Variants in PMFBP1 observed in about 807,000 individuals in gnomAD.
PMFBP1 encodes polyamine-modulated factor 1-binding protein 1.
In PMFBP1, 131 loss-of-function variants were observed where a neutral mutation model predicts 137.8. The ratio of observed to expected loss-of-function variants is 0.95; its 90% CI spans 0.82 to 1.10. The LOEUF (loss-of-function observed/expected upper bound fraction) is 1.10, where lower values mean the gene tolerates loss of function less well. PMFBP1 is among the 50% of genes least tolerant of loss of function. The pLI, the probability that PMFBP1 is intolerant of heterozygous loss-of-function variation, is 0.00. For synonymous variants in PMFBP1, 490 were observed against 450.4 expected (o/e 1.09, Z -1.11); for missense variants, 1,199 against 1,175.4 (o/e 1.02, Z -0.29).
chr16:72,119,539 GCT>G lies in PMFBP1; in HGVS notation c.3008-187_3008-186del, dbSNP rs916452662. On this transcript the variant is annotated intron_variant, in intron 20 of 20. Transcript: ENST00000237353. The stretch of plus-strand genomic sequence containing the variant: ...CCCAGGCTGGGTAGGTGGCTGGGGT[GCT>G]CTTACGGGGTTTCCAGACGTAGAAG... 2.7e-6 allele frequency: 4 copies of G among 1,468,364 alleles called. No individual in the cohort carries two copies. The Admixed American group carries it at 1.1e-4, about 39-fold the overall frequency. The allele number at this position is 1,468,364 out of a possible 1,614,324, so 91.0% of individuals were successfully genotyped here.
chr16:72,154,264 G>A lies in PMFBP1; in HGVS notation c.361C>T (p.Gln121Ter), dbSNP rs142629519. ...TGCAGAAGAACCAGGTCGGAAGTCTGCTTCTCTAGGATGGACTGATACTGG... is the reference window on the plus strand; with the variant it reads ...TGCAGAAGAACCAGGTCGGAAGTCTACTTCTCTAGGATGGACTGATACTGG... ...LRQYQSILEK[Q>*]TSDLVLLHHH... The change falls in exon 4 of 21, where the codon CAG (glutamine) becomes TAG (stop). Residue 121 changes from glutamine (Q) to a stop codon, truncating the protein, a stop_gained. Transcript: ENST00000237353. LOFTEE classifies it high-confidence loss of function. 2 of 1,614,004 alleles carry A rather than the reference G, an allele frequency of 1.2e-6. No homozygotes were observed. Among genetic ancestry groups the A allele is most frequent in the East Asian group, 2.2e-5 (1 of 44,892 alleles).
At chr16:72,189,972 C>T in the PMFBP1 span, among the ~76,000 whole-genome samples, 1 of 152,106 alleles carries the variant, frequency 6.6e-6, no homozygotes, top group Admixed American at 6.5e-5. Flanking sequence ...TCATGAGTCA[C>T]GGGTCTTGGC....
chr16:72,171,114 G>A, intron 2 of PMFBP1, 83 bp downstream of exon 2: 1 of 1,469,908 alleles, frequency 6.8e-7, no homozygotes, highest in Non-Finnish European at 9.4e-7. Context: ...GCTTATTACT[G>A]GAATTTTGAA....
chr16:72,223,259 T>C, the PMFBP1 span, among the ~76,000 whole-genome samples: 1 of 152,244 alleles, frequency 6.6e-6, no homozygotes, highest in African/African-American at 2.4e-5. Flanking sequence ...GAGACAGTTG[T>C]GGATCAGTAT....
At position 72,150,629 on chromosome 16, in the gene PMFBP1, T is replaced by C. The variant is rs773422216; in HGVS notation, c.615A>G (p.Glu205=). The change falls in exon 5 of 21, where the codon GAA becomes GAG. Residue 205 remains glutamate (E), a synonymous_variant. Transcript: ENST00000237353. ...LECQVKMLQG[E]LGGIMGQEPE... ...CTACCTGACCCATGATCCCGCCGAG[T>C]TCCCCCTGCAACATCTTCACTTGGC... The C allele has an allele frequency of 1.9e-6, 3 of 1,613,224 alleles. No individual in the cohort carries two copies. Among genetic ancestry groups the C allele is most frequent in the Admixed American group, 1.7e-5 (1 of 60,014 alleles).
At chr16:72,175,287 A>T (rs2043254354), upstream of PMFBP1, among the ~76,000 whole-genome samples, 1 of 152,050 alleles carries the variant, frequency 6.6e-6, no homozygotes. Flanking sequence ...CTCTTTCCTA[A>T]CTCAAACAGT....
upstream of PMFBP1, among the ~76,000 whole-genome samples, chr16:72,173,644 T>G (rs536969173): frequency 6.6e-6 from 1 of 152,248 alleles, no homozygotes; most frequent in Non-Finnish European, 1.5e-5. Context: ...GGGCTTATGA[T>G]GAAAAAACTG....
At chr16:72,244,733 G>C in the PMFBP1 span, among the ~76,000 whole-genome samples, 1 of 152,154 alleles carries the variant, frequency 6.6e-6, no homozygotes, top group South Asian at 2.1e-4. Context: ...TGTAAATGCT[G>C]GGAGAAATAT....
chr16:72,207,462 G>A, the PMFBP1 span, among the ~76,000 whole-genome samples: 1 of 152,150 alleles, frequency 6.6e-6, no homozygotes, highest in Non-Finnish European at 1.5e-5. Flanking sequence ...AAGTTGCAAG[G>A]CTAATAGGTA....
chr16:72,119,289 C>G lies in PMFBP1; in HGVS notation c.*49G>C. On this transcript the variant is annotated 3_prime_UTR_variant, in exon 21 of 21. Coordinates refer to ENST00000237353, the MANE Select transcript of PMFBP1 (RefSeq NM_031293.3). The stretch of plus-strand genomic sequence containing the variant: ...AGAGGGAGGGCTGGGAACTCACTGT[C>G]CTCTGAAGAAACACCCGTGGAAATG... The G allele has an allele frequency of 6.3e-7, 1 of 1,586,500 alleles. No individual in the cohort carries two copies. The highest frequency in any genetic ancestry group is 1.7e-4 in the Middle Eastern group (1 of 6,008).
intron 5 of PMFBP1, among the ~76,000 whole-genome samples, chr16:72,141,782 A>G (rs1028929376): frequency 4.6e-5 from 7 of 152,056 alleles, no homozygotes; most frequent in Non-Finnish European, 1.0e-4. Context: ...AATTGTGTAC[A>G]TTAAATTCAT....
chr16:72,230,066 C>T, the PMFBP1 span, among the ~76,000 whole-genome samples: 1,326 of 152,286 alleles, frequency 8.7e-3, 27 homozygotes, highest in African/African-American at 0.031. Context: ...ACCAATACCT[C>T]TTAGGGGAGC....
chr16:72,239,354 A>C, the PMFBP1 span, among the ~76,000 whole-genome samples: 1 of 152,142 alleles, frequency 6.6e-6, no homozygotes, highest in Admixed American at 6.5e-5. Context: ...TGATCACCAC[A>C]TATTTTGTTA....
downstream of PMFBP1, among the ~76,000 whole-genome samples, chr16:72,117,446 T>C (rs941714733): frequency 3.9e-5 from 6 of 152,170 alleles, no homozygotes; most frequent in African/African-American, 1.4e-4. Flanking sequence ...TTTTTACATA[T>C]AAGATCTGTG....
the PMFBP1 span, among the ~76,000 whole-genome samples, chr16:72,241,584 C>G: frequency 6.6e-6 from 1 of 152,176 alleles, no homozygotes; most frequent in African/African-American, 2.4e-5. Flanking sequence ...GTATCTCCCT[C>G]TCTACTTCAT....
chr16:72,160,379 T>C (rs769394936), intron 3 of PMFBP1, among the ~76,000 whole-genome samples: 1 of 152,240 alleles, frequency 6.6e-6, no homozygotes, highest in Non-Finnish European at 1.5e-5. Flanking sequence ...ACTTTCTTTA[T>C]CCTTTTGAGT....
chr16:72,177,513 CA>C (rs1217186019), upstream of PMFBP1, among the ~76,000 whole-genome samples: 1 of 152,174 alleles, frequency 6.6e-6, no homozygotes, highest in Non-Finnish European at 1.5e-5. Context: ...CAGGAACACA[CA>C]GACCTTTTTG....
the PMFBP1 span, among the ~76,000 whole-genome samples, chr16:72,220,856 A>AT: frequency 6.6e-6 from 1 of 152,192 alleles, no homozygotes; most frequent in African/African-American, 2.4e-5. Context: ...TTCCAGTTGC[A>AT]TTTTTCCCTA....
chr16:72,224,292 C>T, the PMFBP1 span, among the ~76,000 whole-genome samples: 14 of 152,222 alleles, frequency 9.2e-5, no homozygotes, highest in African/African-American at 2.9e-4. Context: ...TGAGCTCTTG[C>T]GAGAGCCTCT....
Sources: gnomAD v4.1 joint callset for allele counts (sites outside exome capture counted in the v4.1 genomes callset) on GRCh38, gnomAD v4.1.1 for gene constraint, MANE v1.5 for transcripts, NCBI Gene and HGNC (gene_info 2026-07-23, HGNC 2026-07-21) for gene names.